Variants in LRP1B observed in about 807,000 individuals in gnomAD.
LRP1B encodes the protein LDL receptor related protein 1B.
LRP1B carries 217 observed loss-of-function variants against 556.6 expected under a neutral mutation model. That is an observed-to-expected ratio of 0.39 (90% confidence interval 0.35 to 0.44). LRP1B has a LOEUF of 0.44. Ranked by LOEUF, LRP1B falls within the 20% of genes least tolerant of loss-of-function variation. The probability of loss-of-function intolerance (pLI) is 1.00; values close to 1 mark genes in which losing one functional copy is unlikely to be tolerated. For synonymous variants in LRP1B, 2,047 were observed against 1,865.8 expected (o/e 1.10, Z -2.50); for missense variants, 5,053 against 5,620.8 (o/e 0.90, Z 3.23).
intron 30 of LRP1B, 142 bp downstream of exon 30, chr2:140,840,776 T>G (rs1426494633): frequency 3.6e-6 from 2 of 561,180 alleles, no homozygotes; most frequent in Non-Finnish European, 5.9e-6. Context: ...GGAATCTCTT[T>G]TACAGTTTCC....
chr2:140,295,505 G>C (rs1376662692), intron 84 of LRP1B, among the ~76,000 whole-genome samples: 1 of 152,148 alleles, frequency 6.6e-6, no homozygotes, highest in Non-Finnish European at 1.5e-5. Context: ...GTTTCATGTA[G>C]TTCCTAAAAT....
intron 2 of LRP1B, among the ~76,000 whole-genome samples, chr2:141,672,437 T>C (rs983515353): frequency 6.6e-6 from 1 of 152,198 alleles, no homozygotes; most frequent in African/African-American, 2.4e-5. Context: ...GTCTATTCTA[T>C]GCTATTTCTA....
intron 3 of LRP1B, among the ~76,000 whole-genome samples, chr2:141,390,799 T>A (rs1409465598): frequency 6.6e-6 from 1 of 152,214 alleles, no homozygotes; most frequent in Non-Finnish European, 1.5e-5. Flanking sequence ...GAAGAACAAG[T>A]GCGCAATGCG....
At position 140,321,998 on chromosome 2, in the gene LRP1B, A is replaced by G; in HGVS notation, c.12605T>C (p.Leu4202Ser). Residue 4202 changes from leucine to serine, a missense_variant, in exon 82 of 91, where the codon TTG (leucine) becomes TCG (serine). This residue lies in a region of LRP1B where 551 missense variants were observed against 592.0 expected (regional missense o/e 0.93). Coordinates refer to ENST00000389484, the MANE Select transcript of LRP1B (RefSeq NM_018557.3). ...ATCVCPEGKY[L>S]INGTCNDDSL... is the part of the protein sequence containing the mutation. Reference sequence around the variant, plus strand: ...GTCATCATTGCAGGTGCCATTAATCAAATATTTTCCTTCTGGACACACACA... The same window carrying G: ...GTCATCATTGCAGGTGCCATTAATCGAATATTTTCCTTCTGGACACACACA... The G allele has an allele frequency of 6.2e-7, 1 of 1,613,196 alleles. No individual in the cohort carries two copies. The highest frequency in any genetic ancestry group is 8.5e-7 in the Non-Finnish European group (1 of 1,179,452).
chr2:140,454,619 T>G (rs942641537), intron 62 of LRP1B, among the ~76,000 whole-genome samples: 1 of 152,180 alleles, frequency 6.6e-6, no homozygotes, highest in Non-Finnish European at 1.5e-5. Flanking sequence ...TATTTAAAAA[T>G]TATAAATATT....
chr2:141,684,546 A>G (rs1164979016), intron 2 of LRP1B, among the ~76,000 whole-genome samples: 2 of 152,018 alleles, frequency 1.3e-5, no homozygotes, highest in African/African-American at 4.8e-5. Flanking sequence ...TGGCATGTGT[A>G]TACCTATGTA....
intron 1 of LRP1B, among the ~76,000 whole-genome samples, chr2:142,019,679 C>T (rs1703270305): frequency 6.6e-6 from 1 of 152,146 alleles, no homozygotes; most frequent in Non-Finnish European, 1.5e-5. Flanking sequence ...TCAAACTTAC[C>T]AGAGTAAAAA....
chr2:141,331,635 AT>A (rs1341839369), intron 3 of LRP1B, among the ~76,000 whole-genome samples: 3 of 151,882 alleles, frequency 2.0e-5, no homozygotes, highest in African/African-American at 7.3e-5. Context: ...AACACTGATC[AT>A]TCTCCCTTCT....
chr2:141,962,124 G>A (rs1701418786), intron 1 of LRP1B, among the ~76,000 whole-genome samples: 1 of 151,606 alleles, frequency 6.6e-6, no homozygotes, highest in Non-Finnish European at 1.5e-5. Flanking sequence ...ATTTCATATG[G>A]TTCAGCCTAA....
chr2:141,956,641 A>G (rs771841788), intron 1 of LRP1B, among the ~76,000 whole-genome samples: 320 of 152,138 alleles, frequency 2.1e-3, no homozygotes, highest in Middle Eastern at 3.4e-3. Flanking sequence ...TAGTATAGAT[A>G]TTTATGTATA....
In LRP1B at chr2:140,541,105, T is replaced by C. The variant is rs13013854; in HGVS notation, c.7388-7A>G. 0.42 allele frequency: 668,592 copies of C among 1,596,638 alleles called. 144,794 individuals carry two copies. The highest frequency in any genetic ancestry group is 0.44 in the Non-Finnish European group (515,688 of 1,166,626). ...GCACATGGAGAAAGTTCACCTACAA[T>C]AAAGAGGGTGTATTGGTAACATTTT... On this transcript the variant is annotated splice_polypyrimidine_tract_variant and splice_region_variant and intron_variant, in intron 44 of 90. Coordinates refer to ENST00000389484, the MANE Select transcript of LRP1B (RefSeq NM_018557.3).
At chr2:142,097,828 T>C (rs748311292) in intron 1 of LRP1B, among the ~76,000 whole-genome samples, 2 of 151,690 alleles carry the variant, frequency 1.3e-5, no homozygotes, top group Non-Finnish European at 3.0e-5. Flanking sequence ...AATATGGCAT[T>C]CAGAATAAGT....
chr2:141,599,647 A>G (rs1448375778), intron 2 of LRP1B, among the ~76,000 whole-genome samples: 2 of 152,164 alleles, frequency 1.3e-5, no homozygotes, highest in African/African-American at 4.8e-5. Flanking sequence ...AAATGTAACA[A>G]TGATATAAAG....
intron 1 of LRP1B, among the ~76,000 whole-genome samples, chr2:141,832,150 T>C (rs940676389): frequency 2.6e-5 from 4 of 151,714 alleles, no homozygotes; most frequent in African/African-American, 7.2e-5. Context: ...AGAATACAGT[T>C]GGAATGACTA....
At chr2:141,271,625 T>C (rs1015950604) in intron 3 of LRP1B, among the ~76,000 whole-genome samples, 8 of 151,894 alleles carry the variant, frequency 5.3e-5, no homozygotes, top group African/African-American at 1.9e-4. Flanking sequence ...CCAAGAATCT[T>C]ATTTCCAGCG....
chr2:140,714,256 A>C (rs929307888), intron 37 of LRP1B, among the ~76,000 whole-genome samples: 3 of 152,150 alleles, frequency 2.0e-5, no homozygotes, highest in Non-Finnish European at 4.4e-5. Context: ...AGGGATGCTG[A>C]CATGTCCTAG....
intron 41 of LRP1B, among the ~76,000 whole-genome samples, chr2:140,610,838 C>T (rs553075015): frequency 1.3e-5 from 2 of 152,220 alleles, no homozygotes; most frequent in South Asian, 2.1e-4. Flanking sequence ...CCCAATGTGC[C>T]GGGATTACAG....
intron 3 of LRP1B, among the ~76,000 whole-genome samples, chr2:141,348,518 C>T (rs1374198470): frequency 6.6e-6 from 1 of 151,472 alleles, no homozygotes; most frequent in African/African-American, 2.4e-5. Flanking sequence ...AGTTTAATGG[C>T]CAAATAATTA....
intron 2 of LRP1B, among the ~76,000 whole-genome samples, chr2:141,688,509 A>G (rs1691395151): frequency 6.6e-6 from 1 of 151,922 alleles, no homozygotes; most frequent in African/African-American, 2.4e-5. Context: ...AGAAATATGA[A>G]GTCAAGCAAG....
Sources: gnomAD v4.1 joint callset for allele counts (sites outside exome capture counted in the v4.1 genomes callset) on GRCh38, gnomAD v4.1.1 for gene constraint, gnomAD v4.1.1 regional missense constraint, MANE v1.5 for transcripts, NCBI Gene and HGNC (gene_info 2026-07-23, HGNC 2026-07-21) for gene names.